Variants in GALNT17 observed in about 807,000 individuals in gnomAD.
GALNT17 encodes polypeptide N-acetylgalactosaminyltransferase 17.
In GALNT17, 29 loss-of-function variants were observed where a neutral mutation model predicts 63.7. That is an observed-to-expected ratio of 0.46 (90% CI 0.34 to 0.62). The LOEUF (loss-of-function observed/expected upper bound fraction) is 0.62. Ranked by LOEUF, GALNT17 falls within the 20% of genes least tolerant of loss-of-function variation. GALNT17 has a pLI of 0.01. For synonymous variants in GALNT17, 305 were observed against 318.3 expected, an observed-to-expected ratio of 0.96 and a Z score of 0.45; for missense variants, 603 against 799.6, an observed-to-expected ratio of 0.75 and a Z score of 2.97.
At chr7:71,634,761 AAAAAAAAG>A (rs1287346218) in intron 6 of GALNT17, among the ~76,000 whole-genome samples, 38 of 151,664 alleles carry the variant, frequency 2.5e-4, no homozygotes, top group African/African-American at 7.0e-4. Context: ...CTCAAAAAAA[AAAAAAAAG>A]AAAAAAGAAA....
chr7:71,450,195 G>A (rs981157438), intron 5 of GALNT17, among the ~76,000 whole-genome samples: 2 of 146,740 alleles, frequency 1.4e-5, no homozygotes, highest in Non-Finnish European at 1.5e-5. Flanking sequence ...GAGTGCAGTC[G>A]CGCGATCTCG....
chr7:71,657,317 G>A (rs548501403), intron 6 of GALNT17, among the ~76,000 whole-genome samples: 17 of 152,296 alleles, frequency 1.1e-4, no homozygotes, highest in African/African-American at 3.8e-4. Context: ...TAGCATAGTA[G>A]TATGTGCATG....
chr7:71,140,391 C>G (rs1168673974), intron 1 of GALNT17, among the ~76,000 whole-genome samples: 1 of 152,164 alleles, frequency 6.6e-6, no homozygotes, highest in South Asian at 2.1e-4. Context: ...GTTGGCCCCT[C>G]CTGAAGAAAT....
At chr7:71,277,513 A>G (rs534932959) in intron 1 of GALNT17, among the ~76,000 whole-genome samples, 2 of 152,370 alleles carry the variant, frequency 1.3e-5, no homozygotes, top group Non-Finnish European at 2.9e-5. Context: ...ATATATTTTA[A>G]AAAGAATATT....
chr7:71,488,574 C>CTTTTTTT (rs965444360), intron 5 of GALNT17, among the ~76,000 whole-genome samples: 2 of 100,664 alleles, frequency 2.0e-5, no homozygotes, highest in African/African-American at 3.8e-5. Context: ...ACTTGCCCTT[C>CTTTTTTT]TTTTTTTTTT....
At chr7:71,705,526 C>T (rs1041009300) in intron 9 of GALNT17, among the ~76,000 whole-genome samples, 1 of 152,102 alleles carries the variant, frequency 6.6e-6, no homozygotes, top group African/African-American at 2.4e-5. Flanking sequence ...TAGGTGTATA[C>T]CTCAGAGAAT....
At chr7:71,378,477 T>C (rs758963819) in intron 2 of GALNT17, among the ~76,000 whole-genome samples, 3 of 152,144 alleles carry the variant, frequency 2.0e-5, no homozygotes, top group Non-Finnish European at 4.4e-5. Flanking sequence ...GTTTGAGCCC[T>C]GATTAGTAAA....
At chr7:71,142,215 T>G (rs1353550670) in intron 1 of GALNT17, among the ~76,000 whole-genome samples, 1 of 152,118 alleles carries the variant, frequency 6.6e-6, no homozygotes, top group East Asian at 1.9e-4. Context: ...CTAGCAATGC[T>G]TCATAGTAGA....
intron 6 of GALNT17, among the ~76,000 whole-genome samples, chr7:71,614,727 A>G (rs1790173323): frequency 6.6e-6 from 1 of 151,596 alleles, no homozygotes; most frequent in South Asian, 2.1e-4. Context: ...AAAGAAACAG[A>G]AAGAAAAAGA....
In GALNT17 at chr7:71,174,472, A is replaced by C. The variant is rs538239268; in HGVS notation, c.238+41432A>C. ...GTGTCTCACGTGTCCGTGTGAAGAGACCACTAAACAGGCTTTGTGTGAGCA... is the reference window on the plus strand; with the variant it reads ...GTGTCTCACGTGTCCGTGTGAAGAGCCCACTAAACAGGCTTTGTGTGAGCA... On this transcript the variant is annotated intron_variant, in intron 1 of 10. Transcript: ENST00000333538. 6.0e-4 allele frequency among the ~76,000 whole-genome samples: 92 copies of C among 152,242 alleles called. 1 individual carries two copies. The highest frequency in any genetic ancestry group is 2.1e-3 in the African/African-American group (89 of 41,546).
chr7:71,558,296 A>G (rs1317492087), intron 5 of GALNT17, among the ~76,000 whole-genome samples: 1 of 152,098 alleles, frequency 6.6e-6, no homozygotes, highest in African/African-American at 2.4e-5. Context: ...AAAATCCAAA[A>G]TGTAACATTA....
chr7:71,422,929 C>T (rs943408729), intron 5 of GALNT17, among the ~76,000 whole-genome samples: 7 of 152,244 alleles, frequency 4.6e-5, no homozygotes, highest in Non-Finnish European at 8.8e-5. Context: ...GGAAGGTGGT[C>T]TTCCCCTGGA....
intron 5 of GALNT17, among the ~76,000 whole-genome samples, chr7:71,488,521 A>G (rs1787950254): frequency 6.6e-6 from 1 of 151,450 alleles, no homozygotes; most frequent in Non-Finnish European, 1.5e-5. Context: ...CTTCTAACAC[A>G]ATCCCAGCTC....
chr7:71,222,234 G>T (rs1388846684), intron 1 of GALNT17, among the ~76,000 whole-genome samples: 1 of 151,722 alleles, frequency 6.6e-6, no homozygotes, highest in Admixed American at 6.6e-5. Flanking sequence ...AGATTTCCCA[G>T]TAATGTGCCT....
intron 6 of GALNT17, among the ~76,000 whole-genome samples, chr7:71,588,263 G>A (rs1001352520): frequency 1.3e-5 from 2 of 151,936 alleles, no homozygotes; most frequent in Admixed American, 6.6e-5. Context: ...GAAAGTCTTG[G>A]TTCTTATTGA....
chr7:71,630,906 A>G (rs956975594), intron 6 of GALNT17, among the ~76,000 whole-genome samples: 2 of 152,228 alleles, frequency 1.3e-5, no homozygotes, highest in African/African-American at 4.8e-5. Flanking sequence ...CAAGAATAGT[A>G]TGTGTTGATG....
chr7:71,274,205 T>C (rs1790644574), intron 1 of GALNT17, among the ~76,000 whole-genome samples: 1 of 152,222 alleles, frequency 6.6e-6, no homozygotes, highest in South Asian at 2.1e-4. Context: ...GTCCTAAATA[T>C]TTAACAGTAG....
chr7:71,522,397 T>C (rs1167964059), intron 5 of GALNT17, among the ~76,000 whole-genome samples: 1 of 152,212 alleles, frequency 6.6e-6, no homozygotes, highest in African/African-American at 2.4e-5. Context: ...TTAATTGGAC[T>C]TAAAGTTCCA....
chr7:71,677,199 C>A lies in GALNT17; in HGVS notation c.1405-12C>A, dbSNP rs1266222684. The A allele has an allele frequency of 5.0e-6, 8 of 1,613,706 alleles. No homozygotes were observed. The highest frequency in any genetic ancestry group is 1.1e-5 in the South Asian group (1 of 91,064). On this transcript the variant is annotated splice_polypyrimidine_tract_variant and intron_variant, in intron 8 of 10. Coordinates refer to ENST00000333538, the MANE Select transcript of GALNT17 (RefSeq NM_022479.3). ...TGAGCTCTCATGGGTCGTGTTTTGT[C>A]TATTCTTGCAGCTTCGCAACAACAA...
Sources: gnomAD v4.1 joint callset for allele counts (sites outside exome capture counted in the v4.1 genomes callset) on GRCh38, gnomAD v4.1.1 for gene constraint, MANE v1.5 for transcripts, NCBI Gene and HGNC (gene_info 2026-07-23, HGNC 2026-07-21) for gene names.